ATP9B: variants seen among roughly 807,000 people sequenced by gnomAD.
The protein encoded by ATP9B is probable phospholipid-transporting ATPase IIB.
Under a neutral mutation model 146.1 loss-of-function variants are expected in ATP9B, and 110 were observed. The observed-to-expected ratio is 0.75, with a 90% CI of 0.65 to 0.88. The LOEUF (loss-of-function observed/expected upper bound fraction) is 0.88. Ranked by LOEUF, ATP9B falls within the 40% of genes least tolerant of loss-of-function variation. The pLI is 0.00. For missense variants in ATP9B, 1,499 were observed against 1,496.4 expected (o/e 1.00, Z -0.03); for synonymous variants, 604 against 569.7 (o/e 1.06, Z -0.86).
chr18:79,226,997 G>T (rs1297084458), intron 11 of ATP9B, among the ~76,000 whole-genome samples: 1 of 152,114 alleles, frequency 6.6e-6, no homozygotes, highest in Non-Finnish European at 1.5e-5. Flanking sequence ...AACACCTGCT[G>T]TGTGTCGGGC....
At chr18:79,093,303 T>C (rs1275887655) in intron 1 of ATP9B, among the ~76,000 whole-genome samples, 2 of 152,216 alleles carry the variant, frequency 1.3e-5, no homozygotes, top group Non-Finnish European at 2.9e-5. Flanking sequence ...TGAAGGACAT[T>C]GTTGCTGGAT....
intron 25 of ATP9B, among the ~76,000 whole-genome samples, chr18:79,350,139 A>G (rs774592172): frequency 2.6e-5 from 4 of 152,146 alleles, no homozygotes; most frequent in African/African-American, 4.8e-5. Context: ...CACAGCTACC[A>G]AGACTCCTGG....
chr18:79,156,742 G>A (rs2094788712), intron 7 of ATP9B, among the ~76,000 whole-genome samples: 1 of 152,196 alleles, frequency 6.6e-6, no homozygotes, highest in African/African-American at 2.4e-5. Flanking sequence ...CAATATTGGA[G>A]TATAATGTGA....
intron 15 of ATP9B, among the ~76,000 whole-genome samples, chr18:79,327,680 A>C (rs2096761927): frequency 7.2e-6 from 1 of 139,438 alleles, no homozygotes; most frequent in Non-Finnish European, 1.5e-5. Flanking sequence ...CTCCGTGGTT[A>C]GCGTGCTCTC....
chr18:79,262,068 G>T (rs1422569420), intron 12 of ATP9B, among the ~76,000 whole-genome samples: 1 of 151,962 alleles, frequency 6.6e-6, no homozygotes, highest in African/African-American at 2.4e-5. Context: ...GTACCCTCGG[G>T]GCCCTGCAGC....
chr18:79,364,138 C>A (rs998689346), intron 26 of ATP9B: 7 of 151,948 alleles, frequency 4.6e-5, no homozygotes, highest in Admixed American at 2.6e-4. Context: ...TGGTGGCGCG[C>A]ACCTGTAGTC....
chr18:79,198,784 C>T (rs984657492), intron 9 of ATP9B, among the ~76,000 whole-genome samples: 1 of 152,060 alleles, frequency 6.6e-6, no homozygotes, highest in African/African-American at 2.4e-5. Context: ...ATGGAGTTTC[C>T]AGAACTAGAA....
intron 6 of ATP9B, among the ~76,000 whole-genome samples, chr18:79,149,755 CA>C (rs1424655939): frequency 1.3e-5 from 2 of 151,454 alleles, no homozygotes; most frequent in African/African-American, 4.9e-5. Flanking sequence ...CAAAAGATTT[CA>C]AGAGACATTT....
intron 12 of ATP9B, among the ~76,000 whole-genome samples, chr18:79,257,858 A>T (rs114478489): frequency 0.015 from 2,351 of 152,280 alleles, 66 homozygotes; most frequent in African/African-American, 0.054. Context: ...TCCTTTCAAG[A>T]CTGCTTCTCT....
At chr18:79,100,596 T>G (rs185699895) in intron 2 of ATP9B, among the ~76,000 whole-genome samples, 2 of 152,186 alleles carry the variant, frequency 1.3e-5, no homozygotes, top group Non-Finnish European at 2.9e-5. Context: ...TTTAAAAAAA[T>G]TTTTAAAAAT....
At chr18:79,255,433 C>A (rs748650485) in intron 12 of ATP9B, among the ~76,000 whole-genome samples, 1 of 152,206 alleles carries the variant, frequency 6.6e-6, no homozygotes. Context: ...CATTTGATGC[C>A]ACCCACTCCC....
chr18:79,239,745 G>A lies in ATP9B; in HGVS notation c.1108-13636G>A, dbSNP rs1453349833. On this transcript the variant is annotated intron_variant, in intron 11 of 29. Coordinates refer to ENST00000426216, the MANE Select transcript of ATP9B (RefSeq NM_198531.5). This position sits in a 1 kb window ranked among gnomAD's most constrained non-coding sequence, Gnocchi z 5.1. ...TGTAAGTTACATGATAGTCCTTTAG[G>A]AGTAATGTGTTTTCTCACCTTGCTG... is the stretch of plus-strand genomic sequence containing the variant. Among the ~76,000 whole-genome samples the A allele has an allele frequency of 1.3e-5, 2 of 152,144 alleles. No homozygotes were observed. Among genetic ancestry groups the A allele is most frequent in the East Asian group, 3.8e-4 (2 of 5,198 alleles).
chr18:79,175,024 C>T (rs1424594444), intron 7 of ATP9B, among the ~76,000 whole-genome samples: 1 of 151,772 alleles, frequency 6.6e-6, no homozygotes, highest in Non-Finnish European at 1.5e-5. Context: ...CATGGTGAAA[C>T]CCTGTCTCTA....
chr18:79,372,776 C>T (rs1182887819), intron 26 of ATP9B, 49 bp from the exon 27 acceptor site: 1 of 1,265,116 alleles, frequency 7.9e-7, no homozygotes, highest in South Asian at 1.2e-5. Flanking sequence ...AGGCGTGAGT[C>T]AAGCAGGTGG....
chr18:79,372,846 A>G lies in ATP9B; in HGVS notation c.3034A>G (p.Thr1012Ala), dbSNP rs2097080521. The G allele has an allele frequency of 1.2e-6, 2 of 1,611,844 alleles. No individual in the cohort carries two copies. The highest frequency in any genetic ancestry group is 1.7e-6 in the Non-Finnish European group (2 of 1,178,082). Reference sequence around the variant, plus strand: ...CTAGGGAAGATCCTTGTCCTTCAAAACCTTCCTCATCTGGGTTTTAATAAG... The same window carrying G: ...CTAGGGAAGATCCTTGTCCTTCAAAGCCTTCCTCATCTGGGTTTTAATAAG... ...LTKGRSLSFK[T>A]FLIWVLISIY... Residue 1012 changes from threonine (T) to alanine (A), a missense_variant, in exon 27 of 30, where the codon ACC (threonine) becomes GCC (alanine). By Grantham distance (58) the Thr-to-Ala change is moderately conservative. Transcript: ENST00000426216.
chr18:79,348,985 A>G (rs2096907667), intron 25 of ATP9B, among the ~76,000 whole-genome samples: 1 of 152,236 alleles, frequency 6.6e-6, no homozygotes, highest in South Asian at 2.1e-4. Context: ...CTCCATCTCA[A>G]AAAACAAAGA....
chr18:79,318,875 C>T (rs1468513664), intron 15 of ATP9B, among the ~76,000 whole-genome samples: 1 of 152,152 alleles, frequency 6.6e-6, no homozygotes, highest in African/African-American at 2.4e-5. Flanking sequence ...ACTTCAGGTC[C>T]CACTGTAGAT....
At chr18:79,118,065 T>G (rs944261478) in intron 4 of ATP9B, 12 of 152,222 alleles carry the variant, frequency 7.9e-5, no homozygotes, top group Non-Finnish European at 1.5e-4. Context: ...CTAAAGTGTT[T>G]CATTGTATAA....
intron 15 of ATP9B, 29 bp from the exon 16 acceptor site, chr18:79,329,112 T>C (rs767216386): frequency 2.7e-6 from 4 of 1,506,622 alleles, no homozygotes; most frequent in Admixed American, 2.2e-5. Flanking sequence ...GAGGCAGCGG[T>C]GGCCTCAGTT....
Sources: allele counts gnomAD v4.1 joint callset (sites outside exome capture counted in the v4.1 genomes callset), GRCh38; gene constraint gnomAD v4.1.1; non-coding constraint Gnocchi (gnomAD v3.1); transcripts MANE v1.5; gene names NCBI Gene and HGNC (gene_info 2026-07-23, HGNC 2026-07-21).